NR2F1-AS1: variants seen among roughly 807,000 people sequenced by gnomAD.
NR2F1-AS1 encodes NR2F1 regulatory antisense RNA 1.
intron 4 of NR2F1-AS1, among the ~76,000 whole-genome samples, chr5:93,467,460 C>A (rs1372037736): frequency 6.6e-6 from 1 of 152,112 alleles, no homozygotes; most frequent in African/African-American, 2.4e-5. Context: ...AGGAACCACC[C>A]CACACATAAA....
chr5:93,585,124 G>GCGGCGGCGC (rs1414612574), upstream of NR2F1-AS1: 3 of 1,007,558 alleles, frequency 3.0e-6, no homozygotes, highest in Non-Finnish European at 3.5e-6. Context: ...CGCGGCGGCG[G>GCGGCGGCGC]CGGCGGCGCC....
intron 1 of NR2F1-AS1, among the ~76,000 whole-genome samples, chr5:93,568,368 G>A (rs556031245): frequency 6.3e-4 from 96 of 152,220 alleles, no homozygotes; most frequent in African/African-American, 2.3e-3. Context: ...TTGTGCTTCT[G>A]TAGAAAGTTA....
chr5:93,423,419 G>A (rs6867847), intron 4 of NR2F1-AS1, among the ~76,000 whole-genome samples: 3,306 of 152,202 alleles, frequency 0.022, 110 homozygotes, highest in African/African-American at 0.075. Flanking sequence ...ACTTGCCTCT[G>A]GGAACCATGG....
At chr5:93,483,111 T>G (rs1750637308) in intron 4 of NR2F1-AS1, among the ~76,000 whole-genome samples, 1 of 152,172 alleles carries the variant, frequency 6.6e-6, no homozygotes, top group East Asian at 1.9e-4. Context: ...AGGGACAGAC[T>G]GCCTCCTCAA....
chr5:93,433,245 G>T (rs1030162033), intron 4 of NR2F1-AS1, among the ~76,000 whole-genome samples: 1 of 152,118 alleles, frequency 6.6e-6, no homozygotes, highest in African/African-American at 2.4e-5. Context: ...CTTCTTCGTT[G>T]TTGGGTTTTC....
chr5:93,538,186 G>A (rs1167436190), intron 4 of NR2F1-AS1, among the ~76,000 whole-genome samples: 3 of 152,106 alleles, frequency 2.0e-5, no homozygotes. Flanking sequence ...AAATTAAAAA[G>A]TCATGGCTGG....
At chr5:93,543,310 C>T (rs1470097285) in intron 4 of NR2F1-AS1, 1 of 152,142 alleles carries the variant, frequency 6.6e-6, no homozygotes, top group African/African-American at 2.4e-5. Flanking sequence ...TTAGAATTAT[C>T]AGACACAAAT....
chr5:93,584,017 CTGA>C (rs1753176412), upstream of NR2F1-AS1: 2 of 152,218 alleles, frequency 1.3e-5, no homozygotes, highest in South Asian at 4.1e-4. Context: ...CGCTGCCTTC[CTGA>C]ATGGCTGGCT....
chr5:93,509,466 T>C (rs995157831), intron 4 of NR2F1-AS1, among the ~76,000 whole-genome samples: 1 of 152,042 alleles, frequency 6.6e-6, no homozygotes, highest in Admixed American at 6.6e-5. Context: ...GATACCATAC[T>C]GGTAGAGCAG....
intron 1 of NR2F1-AS1, among the ~76,000 whole-genome samples, chr5:93,565,938 C>A (rs1282487974): frequency 6.6e-6 from 1 of 150,856 alleles, no homozygotes; most frequent in African/African-American, 2.4e-5. Flanking sequence ...CATGATAAAC[C>A]CATTTAAGAC....
chr5:93,454,413 G>T (rs1749902715), intron 4 of NR2F1-AS1, among the ~76,000 whole-genome samples: 1 of 152,128 alleles, frequency 6.6e-6, no homozygotes, highest in African/African-American at 2.4e-5. Flanking sequence ...GTGATATAAA[G>T]AAATATATTT....
chr5:93,429,093 A>G (rs1224562890), intron 4 of NR2F1-AS1, among the ~76,000 whole-genome samples: 1 of 152,176 alleles, frequency 6.6e-6, no homozygotes, highest in Non-Finnish European at 1.5e-5. Flanking sequence ...AAGGCAGCAG[A>G]GGCAACAAGT....
At chr5:93,436,985 C>CA (rs34277476) in intron 4 of NR2F1-AS1, among the ~76,000 whole-genome samples, 4,074 of 130,546 alleles carry the variant, frequency 0.031, 66 homozygotes, top group Non-Finnish European at 0.041. Flanking sequence ...TCATTATCTC[C>CA]AAAAAAAAAA....
chr5:93,563,194 C>A (rs1752534068), intron 2 of NR2F1-AS1, among the ~76,000 whole-genome samples: 1 of 152,204 alleles, frequency 6.6e-6, no homozygotes, highest in Non-Finnish European at 1.5e-5. Context: ...AAATTTACCA[C>A]ATTCTGTGTT....
At chr5:93,465,920 G>A (rs1464336335) in intron 4 of NR2F1-AS1, among the ~76,000 whole-genome samples, 1 of 136,440 alleles carries the variant, frequency 7.3e-6, no homozygotes, top group African/African-American at 2.8e-5. Flanking sequence ...ATGGGGGCCT[G>A]TTGTGGGGTG....
intron 4 of NR2F1-AS1, among the ~76,000 whole-genome samples, chr5:93,506,739 C>T (rs575561530): frequency 6.6e-5 from 10 of 152,200 alleles, no homozygotes; most frequent in Admixed American, 2.6e-4. Flanking sequence ...TTAGCTCCCC[C>T]GGGTCCCTCC....
intron 4 of NR2F1-AS1, among the ~76,000 whole-genome samples, chr5:93,472,246 A>G (rs1321992512): frequency 6.6e-6 from 1 of 151,874 alleles, no homozygotes; most frequent in Non-Finnish European, 1.5e-5. Context: ...AAATATTTCA[A>G]CTGTAAAGCA....
intron 4 of NR2F1-AS1, among the ~76,000 whole-genome samples, chr5:93,422,070 G>A (rs968809319): frequency 6.6e-6 from 1 of 152,178 alleles, no homozygotes; most frequent in Non-Finnish European, 1.5e-5. Context: ...ATGTGCTGGC[G>A]TGCATGCTGC....
chr5:93,424,380 C>T (rs372687531), intron 4 of NR2F1-AS1, among the ~76,000 whole-genome samples: 1 of 150,738 alleles, frequency 6.6e-6, no homozygotes, highest in Non-Finnish European at 1.5e-5. Context: ...TTTTTCTCTC[C>T]TTTTTCTTAA....
Sources: gnomAD v4.1 joint callset for allele counts (sites outside exome capture counted in the v4.1 genomes callset) on GRCh38, gnomAD v4.1.1 for gene constraint, MANE v1.5 for transcripts, NCBI Gene and HGNC (gene_info 2026-07-23, HGNC 2026-07-21) for gene names.